PLEC: variants seen among roughly 807,000 people sequenced by gnomAD.
PLEC encodes hemidesmosomal protein 1.
In PLEC, 216 loss-of-function variants were observed where a neutral mutation model predicts 392.8. That is an observed-to-expected ratio of 0.55 (90% confidence interval 0.49 to 0.62). The LOEUF is 0.62. Ranked by LOEUF, PLEC falls within the 20% of genes least tolerant of loss-of-function variation. The pLI is 0.00. For missense variants in PLEC, 6,863 were observed against 6,563.4 expected, an observed-to-expected ratio of 1.05 and a Z score of -1.58; for synonymous variants, 3,621 against 2,980.6, an observed-to-expected ratio of 1.21 and a Z score of -7.00.
At chr8:143,975,355 G>T (rs1554745736), upstream of PLEC, 1 of 1,609,110 alleles carries the variant, frequency 6.2e-7, no homozygotes, top group Non-Finnish European at 8.5e-7. This position sits in a 1 kb window ranked among gnomAD's most constrained non-coding sequence, Gnocchi z 9.9. Flanking sequence ...GGACCTCAGC[G>T]TCCTCACCCG....
rs1824940372 is a variant in PLEC at position 143,925,837 on chromosome 8, C to T, written c.4092G>A (p.Glu1364=). 3.9e-6 allele frequency: 6 copies of T among 1,552,646 alleles called. No homozygotes were observed. In the East Asian group the frequency reaches 1.4e-4, roughly 37 times the overall value. Residue 1364 remains glutamate (E), a synonymous_variant, in exon 31 of 32, where the codon GAG becomes GAA. Transcript: ENST00000345136. ...QRAEERERLA[E]VEAALEKQRQ... is the part of the protein sequence containing the mutation. Reference sequence around the variant, plus strand: ...GCTGCTTCTCCAGCGCGGCCTCCACCTCGGCCAGCCGCTCGCGCTCCTCTG... The same window carrying T: ...GCTGCTTCTCCAGCGCGGCCTCCACTTCGGCCAGCCGCTCGCGCTCCTCTG...
At chr8:143,960,904 G>A (rs1022718291) in intron 1 of PLEC, among the ~76,000 whole-genome samples, 1 of 152,250 alleles carries the variant, frequency 6.6e-6, no homozygotes. Context: ...GAAATCTTCC[G>A]GGCACCATTC....
In PLEC at chr8:143,923,317, C is replaced by T. The variant is rs1823589162; in HGVS notation, c.6612G>A (p.Leu2204=). The T allele has an allele frequency of 3.1e-6, 5 of 1,609,900 alleles. No individual in the cohort carries two copies. The highest frequency in any genetic ancestry group is 4.2e-6 in the Non-Finnish European group (5 of 1,179,598). The change falls in exon 31 of 32, where the codon CTG becomes CTA. Residue 2204 remains leucine, a synonymous_variant. Transcript: ENST00000345136. ...TCAGCCGCTGCAGCTCCTCGTCCAG[C>T]AGGTTCTTCTGGTGGTCGGTCTCCT... The part of the protein sequence containing the change: ...QLEETDHQKN[L]LDEELQRLKA...
chr8:143,973,570 G>GCCCCGC (rs1833547475), upstream of PLEC: 2 of 974,524 alleles, frequency 2.1e-6, no homozygotes, highest in African/African-American at 1.8e-5. This position sits in a 1 kb window ranked among gnomAD's most constrained non-coding sequence, Gnocchi z 5.6. Context: ...GGCCGCCCCC[G>GCCCCGC]CCCCGCCCCC....
rs1564132653 is a variant in PLEC, at chr8:143,932,974, T to C, written c.1556A>G (p.Asp519Gly). ...QSVQRRPELEDSTLRYLQDLL... is the reference protein window; with the variant it reads ...QSVQRRPELEGSTLRYLQDLL... ...GTCCTGCAGGTAGCGCAGAGTGGAG[T>C]CCTCCAGCTCGGGGCGCCTCTGCAC... is the stretch of plus-strand genomic sequence containing the variant. Residue 519 changes from aspartate to glycine, a missense_variant, in exon 14 of 32, where the codon GAC (aspartate) becomes GGC (glycine). Asp to Gly is a moderately conservative substitution (Grantham distance 94). Coordinates refer to ENST00000345136, the MANE Select transcript of PLEC (RefSeq NM_201384.3). 6.2e-7 allele frequency: 1 copy of C among 1,611,938 alleles called. No homozygotes were observed. The highest frequency in any genetic ancestry group is 8.5e-7 in the Non-Finnish European group (1 of 1,179,724).
chr8:143,950,903 C>T, upstream of PLEC: 1 of 1,185,524 alleles, frequency 8.4e-7, no homozygotes, highest in Non-Finnish European at 1.1e-6. Context: ...TGGCGCCTGG[C>T]TCCGTGCAAT....
intron 1 of PLEC, chr8:143,946,322 C>G: frequency 7.8e-7 from 1 of 1,287,154 alleles, no homozygotes; most frequent in Non-Finnish European, 1.0e-6. Flanking sequence ...CCTCTGCCTC[C>G]CACAGCCCCC....
At chr8:143,928,020 T>C (rs1554709238) in intron 25 of PLEC, 28 bp from the exon 26 acceptor site, 6 of 1,577,152 alleles carry the variant, frequency 3.8e-6, no homozygotes, top group East Asian at 2.3e-5. Flanking sequence ...CTCAGGGCCA[T>C]GACATGGGGC....
chr8:143,935,140 G>A (rs373515834), intron 7 of PLEC, 23 bp from the exon 8 acceptor site: 36 of 1,611,858 alleles, frequency 2.2e-5, no homozygotes, highest in Middle Eastern at 1.6e-4. Flanking sequence ...GCAGCTCAGC[G>A]GTGGCTCTGG....
In PLEC at chr8:143,924,411, C is replaced by T. The variant is rs965487347; in HGVS notation, c.5518G>A (p.Ala1840Thr). The T allele has an allele frequency of 1.3e-5, 20 of 1,592,790 alleles. No individual in the cohort carries two copies. The highest frequency in any genetic ancestry group is 1.7e-5 in the Non-Finnish European group (20 of 1,177,028). Residue 1840 changes from alanine (A) to threonine (T), a missense_variant, in exon 31 of 32, where the codon GCC (alanine) becomes ACC (threonine). Transcript: ENST00000345136. ...AGCCGCGTGGCCTCGCCGATGGCGGCCAGCTTCTCCGCAAGCACCCGCTCC... is the reference window on the plus strand; with the variant it reads ...AGCCGCGTGGCCTCGCCGATGGCGGTCAGCTTCTCCGCAAGCACCCGCTCC... ...EAERVLAEKL[A>T]AIGEATRLKT... is the part of the protein sequence containing the mutation.
rs56757959 is a variant in PLEC at position 143,928,625 on chromosome 8, C to T, written c.3260+478G>A. 5.7e-4 allele frequency among the ~76,000 whole-genome samples: 65 copies of T among 113,488 alleles called. 2 individuals carry two copies. The highest frequency in any genetic ancestry group is 5.2e-3 in the African/African-American group (55 of 10,674). The allele number at this position is 113,488 out of a possible 152,430, so 74.5% of individuals were successfully genotyped here. A position where few individuals can be genotyped will look rare whatever the true frequency, so the allele number is the denominator to read the frequency against. On this transcript the variant is annotated intron_variant, in intron 25 of 31. Coordinates refer to ENST00000345136, the MANE Select transcript of PLEC (RefSeq NM_201384.3). ...CTGTGGTTTGCAACACAGGAAGAGG[C>T]GGCGGCCCTATCACTGTGCTGGTTC... is the stretch of plus-strand genomic sequence containing the variant.
chr8:143,970,599 G>C (rs1554743915), intron 1 of PLEC, among the ~76,000 whole-genome samples: 1 of 152,176 alleles, frequency 6.6e-6, no homozygotes, highest in Non-Finnish European at 1.5e-5. Flanking sequence ...CAATTCAGTG[G>C]TTTCAGTAGA....
At chr8:143,953,850 G>A (rs1832438426), upstream of PLEC, 17 of 1,583,110 alleles carry the variant, frequency 1.1e-5, no homozygotes, top group Middle Eastern at 5.0e-4. Context: ...GGCCAGCGCC[G>A]CAGCCGGGGG....
chr8:143,976,089 G>C (rs1228860392), upstream of PLEC, among the ~76,000 whole-genome samples: 1 of 152,218 alleles, frequency 6.6e-6, no homozygotes, highest in Non-Finnish European at 1.5e-5. Flanking sequence ...CGCAGCGAAG[G>C]CCTATAAATA....
In PLEC at chr8:143,916,710, C is replaced by T. The variant is rs200361523; in HGVS notation, c.13111G>A (p.Ala4371Thr). 900 of 1,612,634 alleles carry T rather than the reference C, an allele frequency of 5.6e-4. 1 individual carries two copies. Among genetic ancestry groups the T allele is most frequent in the Non-Finnish European group, 6.9e-4 (810 of 1,179,876 alleles). ...AGCCAGCCCTTCTTCAGGGCCTGGGCGGCCGACATCTTGGTCTTGGTGCGT... is the reference window on the plus strand; with the variant it reads ...AGCCAGCCCTTCTTCAGGGCCTGGGTGGCCGACATCTTGGTCTTGGTGCGT... The part of the protein sequence containing the change: ...DPRTKTKMSA[A>T]QALKKGWLYY... Residue 4371 changes from alanine (A) to threonine (T), a missense_variant, in exon 32 of 32, where the codon GCC (alanine) becomes ACC (threonine). Transcript: ENST00000345136.
In PLEC at chr8:143,921,054, T is replaced by C. The variant is rs1563984008; in HGVS notation, c.8767A>G (p.Thr2923Ala). ...PFGKFQGKTV[T>A]IWEIINSEYF... The stretch of plus-strand genomic sequence containing the variant: ...TCCGAGTTGATGATCTCCCAAATGG[T>C]CACCGTCTTGCCCTGGAACTTGCCG... Residue 2923 changes from threonine to alanine, a missense_variant, in exon 32 of 32, where the codon ACC becomes GCC. Transcript: ENST00000345136. 6.2e-7 allele frequency: 1 copy of C among 1,612,258 alleles called. No homozygotes were observed. Among genetic ancestry groups the C allele is most frequent in the Non-Finnish European group, 8.5e-7 (1 of 1,180,022 alleles).
chr8:143,961,147 T>C lies in PLEC; in HGVS notation c.70+12256A>G, dbSNP rs534775933. Among the ~76,000 whole-genome samples, 245 of 152,374 alleles carry C rather than the reference T, an allele frequency of 1.6e-3. 1 individual carries two copies. Among genetic ancestry groups the C allele is most frequent in the Non-Finnish European group, 2.6e-3 (176 of 68,042 alleles). On this transcript the variant is annotated intron_variant, in intron 1 of 31. Coordinates refer to the PLEC transcript ENST00000356346. ...AGAACCTAGAAATCCAGATTTTTGA[T>C]TTTTGCCAATACGATAGGTAAAAAA...
In PLEC at chr8:143,918,804, G is replaced by C; in HGVS notation, c.11017C>G (p.Leu3673Val). 2 of 1,613,192 alleles carry C rather than the reference G, an allele frequency of 1.2e-6. No homozygotes were observed. The highest frequency in any genetic ancestry group is 1.7e-6 in the Non-Finnish European group (2 of 1,180,012). The change falls in exon 32 of 32, where the codon CTC becomes GTC. Residue 3673 changes from leucine to valine, a missense_variant. By Grantham distance (32) the Leu-to-Val change is conservative. Coordinates refer to ENST00000345136, the MANE Select transcript of PLEC (RefSeq NM_201384.3). The stretch of plus-strand genomic sequence containing the variant: ...GACTCCGCCTCGAGAGCCTCACGGA[G>C]GCTCCTGGTGCCCTCCCGGAGCAGG... ...YNLLREGTRSLREALEAESAW... is the reference protein window; with the variant it reads ...YNLLREGTRSVREALEAESAW...
intron 1 of PLEC, chr8:143,944,857 G>A: frequency 1.9e-6 from 1 of 531,296 alleles, no homozygotes; most frequent in Non-Finnish European, 3.0e-6. Flanking sequence ...AATATCCGAG[G>A]AGGGCGCGCA....
Sources: allele counts gnomAD v4.1 joint callset (sites outside exome capture counted in the v4.1 genomes callset), GRCh38; gene constraint gnomAD v4.1.1; non-coding constraint Gnocchi (gnomAD v3.1); transcripts MANE v1.5; gene names NCBI Gene and HGNC (gene_info 2026-07-23, HGNC 2026-07-21).